The following CPQ variants were observed in gnomAD, a reference collection of about 807,000 sequenced individuals.
CPQ encodes Ser-Met dipeptidase.
In CPQ, 37 loss-of-function variants were observed where a neutral mutation model predicts 45.7. That is an observed-to-expected ratio of 0.81 (90% CI 0.62 to 1.07). The LOEUF (loss-of-function observed/expected upper bound fraction) is 1.07. Ranked by LOEUF, CPQ falls within the 50% of genes least tolerant of loss-of-function variation. The pLI, the probability that CPQ is intolerant of heterozygous loss-of-function variation, is 0.00. For missense variants in CPQ, 537 were observed against 572.9 expected (o/e 0.94, Z 0.64); for synonymous variants, 186 against 205.8 (o/e 0.90, Z 0.82).
intron 6 of CPQ, chr8:97,056,463 G>C (rs1019714306): frequency 6.6e-6 from 1 of 152,160 alleles, no homozygotes; most frequent in Non-Finnish European, 1.5e-5. Flanking sequence ...AGCATAAAAA[G>C]AGCCAAGAGT....
intron 5 of CPQ, among the ~76,000 whole-genome samples, chr8:96,986,106 A>G (rs1433110928): frequency 6.6e-6 from 1 of 152,196 alleles, no homozygotes; most frequent in Non-Finnish European, 1.5e-5. Flanking sequence ...TAGAAACTGC[A>G]TCTACAGCCA....
At chr8:96,710,281 CTGTTT>C (rs1032292056) in intron 1 of CPQ, among the ~76,000 whole-genome samples, 9 of 151,914 alleles carry the variant, frequency 5.9e-5, no homozygotes, top group African/African-American at 2.2e-4. Flanking sequence ...CTTCTCTCTT[CTGTTT>C]TGTTTATATT....
At chr8:97,138,615 G>T (rs182152279) in intron 7 of CPQ, among the ~76,000 whole-genome samples, 2 of 152,142 alleles carry the variant, frequency 1.3e-5, no homozygotes, top group Non-Finnish European at 2.9e-5. Flanking sequence ...GGCAAAATAA[G>T]GGAATTCCTC....
chr8:96,845,111 A>G (rs1199971823), intron 3 of CPQ, among the ~76,000 whole-genome samples: 1 of 152,150 alleles, frequency 6.6e-6, no homozygotes, highest in Admixed American at 6.5e-5. Context: ...CAATCTTTAC[A>G]TTTTAACTGA....
chr8:96,977,260 T>C lies in CPQ; in HGVS notation c.961+11214T>C, dbSNP rs568913974. On this transcript the variant is annotated intron_variant, in intron 5 of 7. Transcript: ENST00000220763. ...GAAGAATGCTCAACATCACTAATAA[T>C]GAGGGAAATGCAAATCAAAAACACA... Among the ~76,000 whole-genome samples the C allele has an allele frequency of 2.0e-5, 3 of 149,802 alleles. No individual in the cohort carries two copies. In the East Asian group the frequency reaches 5.9e-4, roughly 29 times the overall value.
intron 1 of CPQ, among the ~76,000 whole-genome samples, chr8:96,687,495 C>T (rs1224047385): frequency 6.6e-6 from 1 of 152,186 alleles, no homozygotes; most frequent in Non-Finnish European, 1.5e-5. Context: ...AGGTGTGAGC[C>T]ACTGCACCTG....
chr8:97,128,740 T>C (rs1007906516), intron 7 of CPQ, among the ~76,000 whole-genome samples: 22 of 152,212 alleles, frequency 1.4e-4, no homozygotes, highest in Non-Finnish European at 2.9e-4. Context: ...TTTACGAACA[T>C]AGTTGTAAGT....
intron 1 of CPQ, among the ~76,000 whole-genome samples, chr8:96,697,848 T>G (rs1048606776): frequency 6.6e-6 from 1 of 151,450 alleles, no homozygotes; most frequent in Non-Finnish European, 1.5e-5. Context: ...ATGAAGGAAA[T>G]TGAAGAGGAC....
At chr8:96,701,335 T>C (rs541582168) in intron 1 of CPQ, among the ~76,000 whole-genome samples, 22 of 152,278 alleles carry the variant, frequency 1.4e-4, no homozygotes, top group African/African-American at 4.6e-4. Flanking sequence ...CTGAGACATA[T>C]AGACCTCTGA....
chr8:96,701,699 A>C (rs1403701328), intron 1 of CPQ, among the ~76,000 whole-genome samples: 1 of 152,176 alleles, frequency 6.6e-6, no homozygotes. Context: ...TCTGAATAAC[A>C]TACTCTTGGC....
intron 5 of CPQ, among the ~76,000 whole-genome samples, chr8:96,966,323 G>T (rs997925285): frequency 6.6e-6 from 1 of 152,182 alleles, no homozygotes; most frequent in Non-Finnish European, 1.5e-5. Context: ...TAAAGAATAT[G>T]CAAGGAAAAT....
At chr8:96,847,726 A>G (rs1251514550) in intron 3 of CPQ, among the ~76,000 whole-genome samples, 1 of 152,158 alleles carries the variant, frequency 6.6e-6, no homozygotes, top group Non-Finnish European at 1.5e-5. Flanking sequence ...AGAATATGCA[A>G]ATAAAGATCC....
intron 4 of CPQ, among the ~76,000 whole-genome samples, chr8:96,883,504 T>G (rs894510999): frequency 6.6e-6 from 1 of 152,198 alleles, no homozygotes; most frequent in Non-Finnish European, 1.5e-5. Context: ...TTAACAAAAC[T>G]TCTTCCACAA....
chr8:96,862,263 C>A (rs951543738), intron 3 of CPQ, among the ~76,000 whole-genome samples: 2 of 147,884 alleles, frequency 1.4e-5, no homozygotes, highest in African/African-American at 2.5e-5. Context: ...AATATGGGGA[C>A]AATAATATTG....
intron 1 of CPQ, among the ~76,000 whole-genome samples, chr8:96,664,007 T>C (rs1313517276): frequency 2.0e-5 from 3 of 152,312 alleles, no homozygotes; most frequent in Middle Eastern, 3.4e-3. Context: ...TCCTAATCCA[T>C]AAAATAGGGA....
At chr8:96,878,717 G>A (rs1213859433) in intron 3 of CPQ, among the ~76,000 whole-genome samples, 4 of 152,216 alleles carry the variant, frequency 2.6e-5, no homozygotes, top group Non-Finnish European at 5.9e-5. Flanking sequence ...TGTGGAGACT[G>A]GAGCTGCTTC....
intron 4 of CPQ, among the ~76,000 whole-genome samples, chr8:96,907,110 G>A (rs1014426439): frequency 6.6e-6 from 1 of 152,106 alleles, no homozygotes; most frequent in African/African-American, 2.4e-5. Flanking sequence ...TACTAATTAG[G>A]GTAAAGTATA....
chr8:96,737,120 T>G (rs1004322902), intron 1 of CPQ, among the ~76,000 whole-genome samples: 4 of 151,400 alleles, frequency 2.6e-5, no homozygotes, highest in Non-Finnish European at 5.9e-5. Flanking sequence ...TTCTTCCTCT[T>G]GTCTTTATCT....
intron 6 of CPQ, among the ~76,000 whole-genome samples, chr8:97,050,651 G>T (rs985138657): frequency 6.6e-6 from 1 of 152,106 alleles, no homozygotes; most frequent in East Asian, 1.9e-4. Context: ...GATTGCGTGA[G>T]CCCAGGGTTT....
Sources: allele counts gnomAD v4.1 joint callset (sites outside exome capture counted in the v4.1 genomes callset), GRCh38; gene constraint gnomAD v4.1.1; transcripts MANE v1.5; gene names NCBI Gene and HGNC (gene_info 2026-07-23, HGNC 2026-07-21).